Variants in CEP192 observed in about 807,000 individuals in gnomAD.
The protein encoded by CEP192 is centrosomal protein 192.
CEP192 carries 151 observed loss-of-function variants against 271.8 expected under a neutral mutation model. That is an observed-to-expected ratio of 0.56 (90% CI 0.49 to 0.64). The LOEUF (loss-of-function observed/expected upper bound fraction) is 0.64, where lower values mean the gene tolerates loss of function less well. Among genes scored for constraint, CEP192 ranks in the 30% least tolerant of loss-of-function variants. The probability of loss-of-function intolerance (pLI) is 0.00; values close to 1 mark genes in which losing one functional copy is unlikely to be tolerated. For synonymous variants in CEP192, 995 were observed against 1,076.5 expected (o/e 0.92, Z 1.48); for missense variants, 2,910 against 3,020.5 (o/e 0.96, Z 0.86).
At position 13,116,414 on chromosome 18, in the gene CEP192, G is replaced by C; in HGVS notation, c.7327G>C (p.Glu2443Gln). The change falls in exon 43 of 45, where the codon GAG becomes CAG. Residue 2443 changes from glutamate (E) to glutamine (Q), a missense_variant. Glu to Gln is a conservative substitution (Grantham distance 29). Transcript: ENST00000506447. ...GACTGCTCGTGGAGTTTATGCCCCA[G>C]AGGATGTGTACAGGTTCCGGCCGAC... ...DVTARGVYAPEDVYRFRPTSV... is the reference protein window; with the variant it reads ...DVTARGVYAPQDVYRFRPTSV... 1 of 1,613,018 alleles carries C rather than the reference G, an allele frequency of 6.2e-7. No homozygotes were observed. The highest frequency in any genetic ancestry group is 1.1e-5 in the South Asian group (1 of 90,642).
rs571261094 is a variant in CEP192, at chr18:13,113,037, T to C, written c.7048-549T>C. 4.6e-5 allele frequency among the ~76,000 whole-genome samples: 7 copies of C among 152,386 alleles called. No homozygotes were observed. The South Asian group carries it at 1.4e-3, about 32-fold the overall frequency. ...TGTACACATGCAGGGTGTTTATCAC[T>C]GAGCTATGTGCCCAGGGTCACTGGC... On this transcript the variant is annotated intron_variant, in intron 40 of 44. Transcript: ENST00000506447.
chr18:13,030,391 A>C lies in CEP192; in HGVS notation c.1391-74A>C, dbSNP rs1171270030. ...TAACTAAGGTAGTCATCTGAATTTA[A>C]AAAAAATTGAGAATGTTTTGTCATT... On this transcript the variant is annotated intron_variant, in intron 10 of 44. Transcript: ENST00000506447. 20 of 1,341,408 alleles carry C rather than the reference A, an allele frequency of 1.5e-5. No homozygotes were observed. The East Asian group carries it at 5.1e-4, about 34-fold the overall frequency. 83.1% of individuals were successfully genotyped at this position (1,341,408 alleles called of 1,614,324 possible).
chr18:13,099,861 A>T (rs142221672), intron 37 of CEP192, among the ~76,000 whole-genome samples: 9 of 152,282 alleles, frequency 5.9e-5, no homozygotes, highest in African/African-American at 2.2e-4. Context: ...GTATGGGAGG[A>T]TGTATGTAGA....
intron 30 of CEP192, among the ~76,000 whole-genome samples, chr18:13,076,642 G>GT (rs1207671643): frequency 6.6e-6 from 1 of 152,122 alleles, no homozygotes; most frequent in African/African-American, 2.4e-5. Flanking sequence ...TTGCTATTTA[G>GT]TTTCGTTGAT....
chr18:13,011,598 C>T (rs1430832305), intron 4 of CEP192, among the ~76,000 whole-genome samples: 1 of 152,130 alleles, frequency 6.6e-6, no homozygotes, highest in Non-Finnish European at 1.5e-5. Context: ...CTCAGTGCAG[C>T]CTCTGCCTCT....
intron 13 of CEP192, among the ~76,000 whole-genome samples, chr18:13,039,652 C>T (rs2036098432): frequency 6.6e-6 from 1 of 152,004 alleles, no homozygotes; most frequent in Admixed American, 6.6e-5. Flanking sequence ...CAGATGATTC[C>T]AGGGGCCAAA....
intron 21 of CEP192, among the ~76,000 whole-genome samples, chr18:13,062,094 T>C (rs2037439597): frequency 6.6e-6 from 1 of 152,220 alleles, no homozygotes; most frequent in South Asian, 2.1e-4. Flanking sequence ...TCCCTACTGG[T>C]GTGCTCATTG....
At chr18:13,055,539 G>T (rs2037047643) in intron 18 of CEP192, among the ~76,000 whole-genome samples, 2 of 152,126 alleles carry the variant, frequency 1.3e-5, no homozygotes, top group African/African-American at 4.8e-5. Flanking sequence ...GATATTCTTA[G>T]TGTATACCTC....
intron 32 of CEP192, among the ~76,000 whole-genome samples, chr18:13,088,058 G>A (rs1002364902): frequency 6.6e-6 from 1 of 152,210 alleles, no homozygotes; most frequent in Non-Finnish European, 1.5e-5. Context: ...TTCTGGGAAT[G>A]CTGTGAATTA....
intron 44 of CEP192, among the ~76,000 whole-genome samples, chr18:13,124,109 A>G (rs2040797248): frequency 6.6e-6 from 1 of 152,160 alleles, no homozygotes; most frequent in Non-Finnish European, 1.5e-5. Context: ...GCAGTGAGTC[A>G]AGATCATGCC....
intron 38 of CEP192, among the ~76,000 whole-genome samples, chr18:13,102,388 T>C (rs1200285612): frequency 3.3e-5 from 5 of 152,042 alleles, no homozygotes; most frequent in Non-Finnish European, 5.9e-5. Flanking sequence ...TCCTTGTTGA[T>C]TCGTCTCCAC....
intron 43 of CEP192, among the ~76,000 whole-genome samples, chr18:13,117,230 G>A (rs1456983827): frequency 1.3e-5 from 2 of 152,064 alleles, no homozygotes; most frequent in East Asian, 1.9e-4. Flanking sequence ...GCCCCCATCC[G>A]CCCAGAAATT....
chr18:13,075,515 G>A (rs1243991790), intron 30 of CEP192, among the ~76,000 whole-genome samples: 7 of 152,000 alleles, frequency 4.6e-5, no homozygotes, highest in Non-Finnish European at 1.0e-4. Context: ...GCAGTGAGCC[G>A]AGATTGCGCC....
At chr18:13,013,920 G>A (rs1349480722) in intron 5 of CEP192, among the ~76,000 whole-genome samples, 2 of 152,222 alleles carry the variant, frequency 1.3e-5, no homozygotes, top group Non-Finnish European at 2.9e-5. Context: ...CTGTGCCAGC[G>A]ATTGGCAAAC....
At chr18:13,014,788 T>C (rs72874200) in intron 5 of CEP192, among the ~76,000 whole-genome samples, 135 of 151,106 alleles carry the variant, frequency 8.9e-4, no homozygotes, top group Non-Finnish European at 1.4e-3. Flanking sequence ...GCTGGTGTTA[T>C]TTACATATAT....
At chr18:13,066,366 G>A (rs760392023) in intron 21 of CEP192, among the ~76,000 whole-genome samples, 8 of 152,010 alleles carry the variant, frequency 5.3e-5, no homozygotes, top group Non-Finnish European at 8.8e-5. Context: ...TCTAGTTCTT[G>A]GGTTACTAAC....
Position 13,038,366 on chromosome 18 carries a change from CT to C in CEP192, c.1600-3del. The C allele has an allele frequency of 6.5e-7, 1 of 1,549,360 alleles. No homozygotes were observed. Among genetic ancestry groups the C allele is most frequent in the African/African-American group, 1.4e-5 (1 of 73,056 alleles). On this transcript the variant is annotated splice_polypyrimidine_tract_variant and splice_region_variant and intron_variant, in intron 12 of 44. Transcript: ENST00000506447. ...AAGAAACGAAACAATAACTTTCTCC[CT>C]AGGAAGAAAACATAGATGCTCATAA...
intron 30 of CEP192, among the ~76,000 whole-genome samples, chr18:13,081,237 C>G (rs943260399): frequency 6.6e-6 from 1 of 152,124 alleles, no homozygotes; most frequent in Non-Finnish European, 1.5e-5. Context: ...CTTTGTACCT[C>G]TGGTAGAATT....
intron 9 of CEP192, among the ~76,000 whole-genome samples, chr18:13,029,118 G>A (rs74793341): frequency 1.1e-3 from 165 of 152,286 alleles, no homozygotes; most frequent in African/African-American, 3.8e-3. Flanking sequence ...GTTATTTTAG[G>A]AAGGAATAAG....
Sources: allele counts gnomAD v4.1 joint callset (sites outside exome capture counted in the v4.1 genomes callset), GRCh38; gene constraint gnomAD v4.1.1; transcripts MANE v1.5; gene names NCBI Gene and HGNC (gene_info 2026-07-23, HGNC 2026-07-21).